The following NALCN variants were observed in gnomAD, a reference collection of about 807,000 sequenced individuals.
NALCN encodes sodium leak channel, non-selective, also known as sodium leak channel NALCN.
Under a neutral mutation model 225.3 loss-of-function variants are expected in NALCN, and 111 were observed. The ratio of observed to expected loss-of-function variants is 0.49; its 90% CI spans 0.42 to 0.58. NALCN has a LOEUF of 0.58. Ranked by LOEUF, NALCN falls within the 20% of genes least tolerant of loss-of-function variation. The pLI is 0.00. For missense variants in NALCN, 1,378 were observed against 2,202.4 expected, an observed-to-expected ratio of 0.63 and a Z score of 7.49; for synonymous variants, 764 against 769.0, an observed-to-expected ratio of 0.99 and a Z score of 0.11.
chr13:101,109,735 C>T (rs890969330), intron 20 of NALCN, among the ~76,000 whole-genome samples: 85 of 152,276 alleles, frequency 5.6e-4, no homozygotes, highest in African/African-American at 2.0e-3. Context: ...GGTATAGCTG[C>T]TGGGCCATAT....
chr13:101,089,225 A>T lies in NALCN; in HGVS notation c.3489+438T>A, dbSNP rs550666299. ...AAAATCTTTTTTTCTGTGAATTAGG[A>T]TTTTGAAATTTCTACCAGACTCCCC... On this transcript the variant is annotated intron_variant, in intron 30 of 43. Transcript: ENST00000251127. The surrounding 1 kb of genome is among the most constrained non-coding windows in gnomAD (Gnocchi z 4.7). 3.5e-3 allele frequency among the ~76,000 whole-genome samples: 540 copies of T among 152,230 alleles called. 3 individuals carry two copies. The highest frequency in any genetic ancestry group is 0.013 in the African/African-American group (523 of 41,536).
intron 7 of NALCN, among the ~76,000 whole-genome samples, chr13:101,295,599 A>G (rs1200755970): frequency 2.0e-5 from 3 of 152,202 alleles, no homozygotes; most frequent in Non-Finnish European, 4.4e-5. Context: ...TAATTGGACA[A>G]AGGAAAAAAG....
At chr13:101,168,761 T>A (rs2038573570) in intron 15 of NALCN, among the ~76,000 whole-genome samples, 1 of 152,214 alleles carries the variant, frequency 6.6e-6, no homozygotes, top group African/African-American at 2.4e-5. Flanking sequence ...AAATGCTTAG[T>A]GCTGCTCAAG....
At position 101,176,155 on chromosome 13, in the gene NALCN, A is replaced by T. The variant is rs191236217; in HGVS notation, c.1839+145T>A. 1.5e-3 allele frequency: 655 copies of T among 444,790 alleles called. 3 individuals carry two copies. Among genetic ancestry groups the T allele is most frequent in the African/African-American group, 0.013 (616 of 49,048 alleles). 27.6% of individuals were successfully genotyped at this position (444,790 alleles called of 1,614,324 possible). ...CCTTGTTAATATTAGATAAAAGTTA[A>T]ACTTAACACCATTTTACCACCTTCG... On this transcript the variant is annotated intron_variant, in intron 15 of 43. Transcript: ENST00000251127.
intron 7 of NALCN, among the ~76,000 whole-genome samples, chr13:101,329,687 C>T (rs941487428): frequency 6.6e-6 from 1 of 151,978 alleles, no homozygotes; most frequent in Non-Finnish European, 1.5e-5. Context: ...AATATAAAAT[C>T]ATAGATGCAT....
At chr13:101,172,012 G>A (rs2038745388) in intron 15 of NALCN, among the ~76,000 whole-genome samples, 1 of 152,010 alleles carries the variant, frequency 6.6e-6, no homozygotes, top group African/African-American at 2.4e-5. Flanking sequence ...TAGCAGGTGC[G>A]GGCTTATATT....
At chr13:101,070,063 G>GTTTTTTTTTTTTTTTTTTTTTTTT in intron 37 of NALCN, among the ~76,000 whole-genome samples, 1 of 98,314 alleles carries the variant, frequency 1.0e-5, no homozygotes, top group Non-Finnish European at 1.8e-5. Context: ...AATCATGAAT[G>GTTTTTTTTTTTTTTTTTTTTTTTT]TTTTTTTTTT....
intron 14 of NALCN, among the ~76,000 whole-genome samples, chr13:101,187,018 A>G (rs1248904838): frequency 6.6e-6 from 1 of 152,176 alleles, no homozygotes; most frequent in East Asian, 1.9e-4. Flanking sequence ...GCATGTATCA[A>G]AACATCACGT....
intron 15 of NALCN, among the ~76,000 whole-genome samples, chr13:101,163,347 T>C (rs1263575030): frequency 6.6e-6 from 1 of 152,108 alleles, no homozygotes; most frequent in Non-Finnish European, 1.5e-5. Context: ...CTTAGGTGTG[T>C]AGTTTCATGT....
At chr13:101,131,282 G>C (rs559658315) in intron 17 of NALCN, among the ~76,000 whole-genome samples, 2 of 152,120 alleles carry the variant, frequency 1.3e-5, no homozygotes, top group Non-Finnish European at 2.9e-5. Context: ...CGTTTTTGTA[G>C]GTTGCTTTCC....
intron 22 of NALCN, among the ~76,000 whole-genome samples, chr13:101,107,283 C>A (rs960805314): frequency 6.6e-6 from 1 of 152,160 alleles, no homozygotes; most frequent in Non-Finnish European, 1.5e-5. Context: ...TTTATCAATG[C>A]GAGTTTTCTA....
At chr13:101,153,057 C>CT (rs551763648) in intron 15 of NALCN, among the ~76,000 whole-genome samples, 169 of 151,376 alleles carry the variant, frequency 1.1e-3, no homozygotes, top group African/African-American at 3.7e-3. Flanking sequence ...TAATTTTTCT[C>CT]TTTTTTTTAA....
intron 6 of NALCN, among the ~76,000 whole-genome samples, chr13:101,357,988 GA>G (rs570802844): frequency 1.1e-4 from 17 of 152,172 alleles, no homozygotes; most frequent in Non-Finnish European, 2.5e-4. Context: ...GCCATGTGCA[GA>G]AAACTAAAAC....
intron 13 of NALCN, among the ~76,000 whole-genome samples, chr13:101,210,061 T>G (rs2040463284): frequency 6.6e-6 from 1 of 152,170 alleles, no homozygotes; most frequent in African/African-American, 2.4e-5. Flanking sequence ...AACTAGCTAC[T>G]AAGGTTCTTT....
chr13:101,416,120 C>T (rs1002646915), intron 1 of NALCN, among the ~76,000 whole-genome samples, 193 bp downstream of exon 1: 2 of 151,644 alleles, frequency 1.3e-5, no homozygotes, highest in Non-Finnish European at 2.9e-5. Context: ...GTGGAGGCGC[C>T]CCTCCCCACC....
chr13:101,201,152 T>C (rs2040104643), intron 13 of NALCN, among the ~76,000 whole-genome samples: 1 of 151,760 alleles, frequency 6.6e-6, no homozygotes, highest in Non-Finnish European at 1.5e-5. Flanking sequence ...GTCTATACTA[T>C]TTTTTTTGAC....
intron 13 of NALCN, among the ~76,000 whole-genome samples, chr13:101,212,443 A>T (rs1047900918): frequency 1.3e-5 from 2 of 152,148 alleles, no homozygotes; most frequent in African/African-American, 4.8e-5. Flanking sequence ...GTGTTCTACT[A>T]TGGGATGAGT....
At chr13:101,177,368 A>G (rs1486724466) in intron 14 of NALCN, among the ~76,000 whole-genome samples, 2 of 145,878 alleles carry the variant, frequency 1.4e-5, no homozygotes, top group Non-Finnish European at 3.1e-5. Context: ...ACACTGGTGA[A>G]TTTTTATGGT....
intron 3 of NALCN, among the ~76,000 whole-genome samples, chr13:101,386,878 T>C (rs1273426358): frequency 6.6e-6 from 1 of 152,142 alleles, no homozygotes; most frequent in African/African-American, 2.4e-5. Context: ...CTTCTATAAA[T>C]ATTTTCTTAT....
Sources: gnomAD v4.1 joint callset for allele counts (sites outside exome capture counted in the v4.1 genomes callset) on GRCh38, gnomAD v4.1.1 for gene constraint, Gnocchi (gnomAD v3.1) non-coding constraint, MANE v1.5 for transcripts, NCBI Gene and HGNC (gene_info 2026-07-23, HGNC 2026-07-21) for gene names.